The following HIVEP2 variants were observed in gnomAD, a reference collection of about 807,000 sequenced individuals.
HIVEP2 encodes transcription factor HIVEP2.
In HIVEP2, 14 loss-of-function variants were observed where a neutral mutation model predicts 180.7. The observed-to-expected ratio is 0.08, with a 90% CI of 0.05 to 0.12. HIVEP2 has a LOEUF of 0.12. HIVEP2 is among the 10% of genes least tolerant of loss of function. The pLI is 1.00. For missense variants in HIVEP2, 2,579 were observed against 3,008.5 expected (o/e 0.86, Z 3.34); for synonymous variants, 1,184 against 1,136.4 (o/e 1.04, Z -0.84).
intron 1 of HIVEP2, among the ~76,000 whole-genome samples, chr6:142,848,867 A>C (rs198654): frequency 0.17 from 25,744 of 152,216 alleles, 4,279 homozygotes; most frequent in African/African-American, 0.44. Flanking sequence ...GCACCAGTTC[A>C]ACCCCAAGTC....
intron 1 of HIVEP2, among the ~76,000 whole-genome samples, chr6:142,927,992 G>A (rs953952025): frequency 6.6e-6 from 1 of 152,212 alleles, no homozygotes; most frequent in Non-Finnish European, 1.5e-5. Context: ...AAACATTACA[G>A]ATGTTTTACT....
At position 142,772,208 on chromosome 6, in the gene HIVEP2, G is replaced by C; in HGVS notation, c.2531C>G (p.Ala844Gly). The change falls in exon 5 of 10, where the codon GCC becomes GGC. Residue 844 changes from alanine to glycine, a missense_variant. Ala to Gly is a moderately conservative substitution (Grantham distance 60). Coordinates refer to ENST00000367603, the MANE Select transcript of HIVEP2 (RefSeq NM_006734.4). This position sits in a 1 kb window ranked among gnomAD's most constrained non-coding sequence, Gnocchi z 4.9. ...SETCDSEISE[A>G]PVSPEWAPPG... Reference sequence around the variant, plus strand: ...TGGAGCCCACTCAGGACTCACTGGGGCTTCTGAAATCTCACTGTCACAAGT... The same window carrying C: ...TGGAGCCCACTCAGGACTCACTGGGCCTTCTGAAATCTCACTGTCACAAGT... The C allele has an allele frequency of 6.2e-7, 1 of 1,614,172 alleles. No homozygotes were observed. The highest frequency in any genetic ancestry group is 1.3e-5 in the African/African-American group (1 of 75,038).
intron 2 of HIVEP2, among the ~76,000 whole-genome samples, chr6:142,788,674 C>T (rs1487394095): frequency 6.6e-6 from 1 of 152,188 alleles, no homozygotes. Flanking sequence ...GATCACACCA[C>T]TGCACTCCAG....
Position 142,760,500 on chromosome 6 carries a change from T to G in HIVEP2, c.5788A>C (p.Lys1930Gln), listed in dbSNP as rs951755836. ...GGACTGGTGCTTCTTGATCTTGTTT[T>G]TGGTGTTAAATCTCCCTGGTCGTCA... ...DFDDQGDLTP[K>Q]TRSRSTSPQP... Residue 1930 changes from lysine to glutamine, a missense_variant, in exon 9 of 10, where the codon AAA (lysine) becomes CAA (glutamine). By Grantham distance (53) the Lys-to-Gln change is moderately conservative. This residue lies in a region of HIVEP2 where 660 missense variants were observed against 731.7 expected (regional missense o/e 0.90). Coordinates refer to ENST00000367603, the MANE Select transcript of HIVEP2 (RefSeq NM_006734.4). 1 of 1,614,026 alleles carries G rather than the reference T, an allele frequency of 6.2e-7. No homozygotes were observed. Among genetic ancestry groups the G allele is most frequent in the Non-Finnish European group, 8.5e-7 (1 of 1,180,042 alleles).
intron 2 of HIVEP2, among the ~76,000 whole-genome samples, chr6:142,807,984 C>A (rs1776593514): frequency 6.6e-6 from 1 of 152,156 alleles, no homozygotes; most frequent in African/African-American, 2.4e-5. Context: ...CTGCTCAAAG[C>A]CTTTCAGTGA....
intron 1 of HIVEP2, among the ~76,000 whole-genome samples, chr6:142,857,404 G>T (rs752134766): frequency 3.3e-5 from 5 of 152,128 alleles, no homozygotes; most frequent in Non-Finnish European, 7.4e-5. Flanking sequence ...GTTCTCACGG[G>T]GTTTCAGGAC....
At chr6:142,761,062 A>G (rs557901957) in intron 8 of HIVEP2, among the ~76,000 whole-genome samples, 2 of 152,328 alleles carry the variant, frequency 1.3e-5, no homozygotes, top group East Asian at 3.9e-4. Context: ...GGTCTGGCCA[A>G]CCTTAATGAT....
chr6:142,782,429 G>A (rs193237387), intron 3 of HIVEP2, among the ~76,000 whole-genome samples: 2 of 152,110 alleles, frequency 1.3e-5, no homozygotes, highest in East Asian at 1.9e-4. Context: ...TGGGATGAGG[G>A]GAAAAAGGAA....
chr6:142,856,805 A>G (rs368049411), intron 1 of HIVEP2, among the ~76,000 whole-genome samples: 7 of 152,210 alleles, frequency 4.6e-5, no homozygotes, highest in Admixed American at 3.3e-4. Context: ...CCTGTGAGGG[A>G]GACTTCTGGT....
intron 1 of HIVEP2, among the ~76,000 whole-genome samples, chr6:142,897,042 T>C (rs1436694760): frequency 1.3e-5 from 2 of 152,152 alleles, no homozygotes; most frequent in South Asian, 2.1e-4. Flanking sequence ...TGTTTCAATA[T>C]TGATGCTGAA....
At chr6:142,930,423 A>C (rs982994680) in intron 1 of HIVEP2, among the ~76,000 whole-genome samples, 2 of 152,186 alleles carry the variant, frequency 1.3e-5, no homozygotes, top group East Asian at 1.9e-4. Context: ...AACTACCCAT[A>C]AAACTATAAC....
intron 1 of HIVEP2, among the ~76,000 whole-genome samples, chr6:142,855,481 A>G (rs1775795089): frequency 6.6e-6 from 1 of 152,262 alleles, no homozygotes; most frequent in Non-Finnish European, 1.5e-5. Context: ...TCTTTGTGTT[A>G]TAATAAAAAT....
chr6:142,854,392 T>G (rs1012681057), intron 1 of HIVEP2, among the ~76,000 whole-genome samples: 2 of 152,212 alleles, frequency 1.3e-5, no homozygotes, highest in African/African-American at 4.8e-5. Flanking sequence ...ATTGTAACTC[T>G]GCTGCAATAA....
chr6:142,850,365 T>C (rs951144741), intron 1 of HIVEP2, among the ~76,000 whole-genome samples: 3 of 152,214 alleles, frequency 2.0e-5, no homozygotes, highest in East Asian at 3.8e-4. Context: ...CTAATGATGA[T>C]ATAATGATTT....
intron 2 of HIVEP2, among the ~76,000 whole-genome samples, chr6:142,791,188 A>G (rs1776129012): frequency 6.6e-6 from 1 of 152,196 alleles, no homozygotes; most frequent in South Asian, 2.1e-4. Flanking sequence ...TCTATAAGGT[A>G]CATAGGGTAA....
chr6:142,760,275 T>C lies in HIVEP2; in HGVS notation c.6013A>G (p.Lys2005Glu). 6.2e-7 allele frequency: 1 copy of C among 1,614,190 alleles called. No homozygotes were observed. Among genetic ancestry groups the C allele is most frequent in the Non-Finnish European group, 8.5e-7 (1 of 1,180,030 alleles). The change falls in exon 9 of 10, where the codon AAA becomes GAA. Residue 2005 changes from lysine (K) to glutamate (E), a missense_variant. Around this residue, in one of 11 missense-constraint regions of HIVEP2, gnomAD observed 660 missense variants for 731.7 expected, o/e 0.90. Transcript: ENST00000367603. ...TTGTCTGGTTCTGAGTCCGTACTTTTGCTCTGGAATAGCCTCTGGTATTCT... is the reference window on the plus strand; with the variant it reads ...TTGTCTGGTTCTGAGTCCGTACTTTCGCTCTGGAATAGCCTCTGGTATTCT... ...MTEYQRLFQS[K>E]STDSEPDKDR...
chr6:142,859,509 C>T (rs1438023250), intron 1 of HIVEP2, among the ~76,000 whole-genome samples: 1 of 149,672 alleles, frequency 6.7e-6, no homozygotes, highest in African/African-American at 2.4e-5. Context: ...ATAAGCTTGT[C>T]GAAACAAAGA....
At chr6:142,756,843 G>A (rs556012921) in intron 9 of HIVEP2, among the ~76,000 whole-genome samples, 13 of 142,668 alleles carry the variant, frequency 9.1e-5, no homozygotes, top group Admixed American at 5.6e-4. Context: ...CTATCTATCC[G>A]TCCATCCATC....
At chr6:142,786,337 A>C (rs1446509636) in intron 2 of HIVEP2, among the ~76,000 whole-genome samples, 1 of 152,240 alleles carries the variant, frequency 6.6e-6, no homozygotes, top group East Asian at 1.9e-4. Flanking sequence ...TTAATATTTA[A>C]TAAAACAAAC....
Sources: gnomAD v4.1 joint callset for allele counts (sites outside exome capture counted in the v4.1 genomes callset) on GRCh38, gnomAD v4.1.1 for gene constraint, gnomAD v4.1.1 regional missense constraint, Gnocchi (gnomAD v3.1) non-coding constraint, MANE v1.5 for transcripts, NCBI Gene and HGNC (gene_info 2026-07-23, HGNC 2026-07-21) for gene names.